The following GAD2 variants were observed in gnomAD, a reference collection of about 807,000 sequenced individuals.
The protein encoded by GAD2 is glutamate decarboxylase 2, also known as 65 kDa glutamic acid decarboxylase.
Under a neutral mutation model 80.1 loss-of-function variants are expected in GAD2, and 22 were observed. That is an observed-to-expected ratio of 0.27 (90% confidence interval 0.20 to 0.39). The LOEUF (loss-of-function observed/expected upper bound fraction) is 0.39, where lower values mean the gene tolerates loss of function less well. Ranked by LOEUF, GAD2 falls within the 10% of genes least tolerant of loss-of-function variation. The probability of loss-of-function intolerance (pLI) is 1.00; values close to 1 mark genes in which losing one functional copy is unlikely to be tolerated. For synonymous variants in GAD2, 274 were observed against 256.9 expected (o/e 1.07, Z -0.64); for missense variants, 624 against 738.4 (o/e 0.85, Z 1.80).
At chr10:26,298,704 A>C (rs1406311807) in intron 15 of GAD2, among the ~76,000 whole-genome samples, 2 of 152,210 alleles carry the variant, frequency 1.3e-5, no homozygotes, top group Non-Finnish European at 2.9e-5. Flanking sequence ...TATTATACAA[A>C]TAAAACTAAG....
At chr10:26,222,767 G>T (rs1180665838) in intron 4 of GAD2, among the ~76,000 whole-genome samples, 1 of 152,244 alleles carries the variant, frequency 6.6e-6, no homozygotes, top group Admixed American at 6.5e-5. Flanking sequence ...CTCCAGTGCA[G>T]GAGATAAGCT....
chr10:26,218,383 T>A (rs1422006301), intron 3 of GAD2: 2 of 179,414 alleles, frequency 1.1e-5, no homozygotes, highest in African/African-American at 4.7e-5. Flanking sequence ...TTTTTTTAGG[T>A]CTTTAGATCA....
intron 15 of GAD2, among the ~76,000 whole-genome samples, chr10:26,294,459 G>T (rs76666070): frequency 0.015 from 2,350 of 152,250 alleles, 44 homozygotes; most frequent in African/African-American, 0.053. Context: ...TGCAATCCTG[G>T]CCATACATTA....
chr10:26,258,182 T>A (rs1245043693), intron 8 of GAD2, among the ~76,000 whole-genome samples: 1 of 152,260 alleles, frequency 6.6e-6, no homozygotes, highest in Non-Finnish European at 1.5e-5. Context: ...AATAGTATAT[T>A]CTTTCACATT....
Position 26,273,559 on chromosome 10 carries a change from A to T in GAD2, c.1093-77A>T, listed in dbSNP as rs1192879045. The T allele has an allele frequency of 5.6e-6, 7 of 1,239,226 alleles. No homozygotes were observed. In the East Asian group the frequency reaches 1.6e-4, roughly 29 times the overall value. 76.8% of individuals were successfully genotyped at this position (1,239,226 alleles called of 1,614,324 possible). A position where few individuals can be genotyped will look rare whatever the true frequency, so the allele number is the denominator to read the frequency against. On this transcript the variant is annotated intron_variant, in intron 10 of 15. Transcript: ENST00000376261. ...GTGGCCTGGGGTCAAGATCATTTTCACCTAGAAAGACACCAGACTATAGAA... is the reference window on the plus strand; with the variant it reads ...GTGGCCTGGGGTCAAGATCATTTTCTCCTAGAAAGACACCAGACTATAGAA...
chr10:26,247,058 A>G (rs1844818779), intron 8 of GAD2, among the ~76,000 whole-genome samples: 3 of 152,342 alleles, frequency 2.0e-5, no homozygotes, highest in Admixed American at 2.0e-4. Flanking sequence ...CATAGAGTGA[A>G]ATGAAAGCAA....
At chr10:26,295,288 A>G (rs1834260797) in intron 15 of GAD2, among the ~76,000 whole-genome samples, 1 of 152,122 alleles carries the variant, frequency 6.6e-6, no homozygotes, top group African/African-American at 2.4e-5. Flanking sequence ...ATCTCCGGGG[A>G]TTGCAGAATG....
chr10:26,238,418 CCA>C (rs1844701589), intron 7 of GAD2, among the ~76,000 whole-genome samples: 1 of 152,214 alleles, frequency 6.6e-6, no homozygotes, highest in Non-Finnish European at 1.5e-5. Context: ...TAATTGTTGT[CCA>C]CAGAGTGCTC....
intron 12 of GAD2, among the ~76,000 whole-genome samples, chr10:26,282,168 C>T (rs1175853354): frequency 6.6e-6 from 1 of 152,158 alleles, no homozygotes; most frequent in Non-Finnish European, 1.5e-5. Context: ...GTCAAGAGCT[C>T]CTGGCCTCAA....
chr10:26,261,250 T>G (rs1845006206), intron 8 of GAD2, among the ~76,000 whole-genome samples: 1 of 152,224 alleles, frequency 6.6e-6, no homozygotes, highest in African/African-American at 2.4e-5. Flanking sequence ...TGTTTTCCAT[T>G]CTTAGAACAT....
chr10:26,262,688 G>T (rs1845023036), intron 8 of GAD2, among the ~76,000 whole-genome samples: 1 of 152,248 alleles, frequency 6.6e-6, no homozygotes, highest in South Asian at 2.1e-4. Flanking sequence ...TTTCCTCTGA[G>T]AATGATTTAG....
In GAD2 at chr10:26,220,576, C is replaced by T. The variant is rs183191762; in HGVS notation, c.520+1300C>T. ...TCAATTAACGTTCATGAAGAACCCA[C>T]GTGATGTTTATACCAGGCATTAAAA... On this transcript the variant is annotated intron_variant, in intron 4 of 15. Coordinates refer to ENST00000376261, the MANE Select transcript of GAD2 (RefSeq NM_001134366.2). Among the ~76,000 whole-genome samples the T allele has an allele frequency of 4.1e-3, 623 of 152,220 alleles. 6 individuals are homozygous for T. Among genetic ancestry groups the T allele is most frequent in the African/African-American group, 0.014 (587 of 41,522 alleles).
chr10:26,288,812 T>C (rs1834179154), intron 13 of GAD2, among the ~76,000 whole-genome samples: 1 of 152,154 alleles, frequency 6.6e-6, no homozygotes. Context: ...CTGCTCCCTT[T>C]CCATCTGAAG....
intron 7 of GAD2, among the ~76,000 whole-genome samples, chr10:26,232,852 T>G (rs960351716): frequency 6.6e-6 from 1 of 152,162 alleles, no homozygotes; most frequent in Non-Finnish European, 1.5e-5. Flanking sequence ...ATAACAACCA[T>G]TTGACTCTCC....
Position 26,229,701 on chromosome 10 carries a change from G to A in GAD2, c.764G>A (p.Arg255His). 3 of 1,614,118 alleles carry A rather than the reference G, an allele frequency of 1.9e-6. No homozygotes were observed. Among genetic ancestry groups the A allele is most frequent in the Non-Finnish European group, 2.5e-6 (3 of 1,179,996 alleles). ...ISNMYAMMIA[R>H]FKMFPEVKEK... ...AACATGTATGCCATGATGATCGCAC[G>A]CTTTAAGATGTTCCCAGAAGTCAAG... Residue 255 changes from arginine (R) to histidine (H), a missense_variant, in exon 7 of 16, where the codon CGC becomes CAC. Physicochemically the swap from Arg to His is conservative, Grantham distance 29. Transcript: ENST00000376261.
intron 3 of GAD2, chr10:26,218,272 C>T (rs1007447116): frequency 3.1e-5 from 11 of 354,054 alleles, no homozygotes; most frequent in African/African-American, 2.1e-4. Flanking sequence ...TCCAGGCGCT[C>T]GTGCGCTCAC....
intron 10 of GAD2, among the ~76,000 whole-genome samples, chr10:26,273,025 G>C (rs1187024391): frequency 6.6e-6 from 1 of 152,158 alleles, no homozygotes; most frequent in African/African-American, 2.4e-5. Context: ...CTCCATCTTG[G>C]CATTCTATTT....
chr10:26,265,204 A>C (rs1176016732), intron 8 of GAD2, among the ~76,000 whole-genome samples: 2 of 127,644 alleles, frequency 1.6e-5, no homozygotes, highest in East Asian at 2.2e-4. Context: ...GCATCATACG[A>C]CTTTTTTTTT....
intron 8 of GAD2, 56 bp downstream of exon 8, chr10:26,246,056 A>G: frequency 2.1e-6 from 3 of 1,458,710 alleles, no homozygotes; most frequent in Admixed American, 1.7e-5. Flanking sequence ...CCACACAAGT[A>G]GTGCCTTTTG....
Sources: allele counts gnomAD v4.1 joint callset (sites outside exome capture counted in the v4.1 genomes callset), GRCh38; gene constraint gnomAD v4.1.1; transcripts MANE v1.5; gene names NCBI Gene and HGNC (gene_info 2026-07-23, HGNC 2026-07-21).